TAF5: variants seen among roughly 807,000 people sequenced by gnomAD.
TAF5 encodes transcription initiation factor TFIID subunit 5.
Under a neutral mutation model 80.9 loss-of-function variants are expected in TAF5, and 20 were observed. That is an observed-to-expected ratio of 0.25 (90% confidence interval 0.17 to 0.36). The LOEUF (loss-of-function observed/expected upper bound fraction) is 0.36, where lower values mean the gene tolerates loss of function less well. Ranked by LOEUF, TAF5 falls within the 10% of genes least tolerant of loss-of-function variation. The pLI, the probability that TAF5 is intolerant of heterozygous loss-of-function variation, is 1.00. For missense variants in TAF5, 863 were observed against 1,029.4 expected (o/e 0.84, Z 2.21); for synonymous variants, 388 against 406.4 (o/e 0.95, Z 0.55).
Position 103,387,295 on chromosome 10 carries a change from T to G in TAF5, c.1950T>G (p.Thr650=). The G allele has an allele frequency of 6.2e-7, 1 of 1,614,186 alleles. No homozygotes were observed. Among genetic ancestry groups the G allele is most frequent in the South Asian group, 1.1e-5 (1 of 91,082 alleles). ...NYVATGSADR[T]VRLWDVLNGN... is the part of the protein sequence containing the mutation. ...TTGCTACGGGCTCTGCAGACAGAACTGTGCGGCTCTGGGACGTCCTGAATG... is the reference window on the plus strand; with the variant it reads ...TTGCTACGGGCTCTGCAGACAGAACGGTGCGGCTCTGGGACGTCCTGAATG... Residue 650 remains threonine (T), a synonymous_variant, in exon 9 of 11, where the codon ACT becomes ACG. Coordinates refer to ENST00000369839, the MANE Select transcript of TAF5 (RefSeq NM_006951.5).
At position 103,374,426 on chromosome 10, in the gene TAF5, AAGC is replaced by A. The variant is rs1357101984; in HGVS notation, c.797+834_797+836del. The stretch of plus-strand genomic sequence containing the variant: ...TGGCATAAGATGGTTTTCCTGCTCT[AAGC>A]AGTCACATCAGTGTGCCAGTCAGCA... On this transcript the variant is annotated intron_variant, in intron 2 of 10. Coordinates refer to ENST00000369839, the MANE Select transcript of TAF5 (RefSeq NM_006951.5). This position sits in a 1 kb window ranked among gnomAD's most constrained non-coding sequence, Gnocchi z 4.3. Among the ~76,000 whole-genome samples, 1 of 152,208 alleles carries A rather than the reference AAGC, an allele frequency of 6.6e-6. No individual in the cohort carries two copies. Among genetic ancestry groups the A allele is most frequent in the African/African-American group, 2.4e-5 (1 of 41,458 alleles).
intron 1 of TAF5, among the ~76,000 whole-genome samples, chr10:103,369,060 C>T (rs948565064): frequency 6.6e-6 from 1 of 150,494 alleles, no homozygotes. Flanking sequence ...CTCACTGCAA[C>T]CTCCGCCTCC....
intron 2 of TAF5, 32 bp downstream of exon 2, chr10:103,373,627 C>T: frequency 6.7e-7 from 1 of 1,496,930 alleles, no homozygotes; most frequent in South Asian, 1.2e-5. Flanking sequence ...TATATATACA[C>T]ACATACGTAG....
At chr10:103,380,364 G>A (rs990181747) in intron 5 of TAF5, among the ~76,000 whole-genome samples, 26 of 152,140 alleles carry the variant, frequency 1.7e-4, no homozygotes, top group Non-Finnish European at 2.5e-4. Context: ...TCCTGACCTT[G>A]TGATCCGCCT....
chr10:103,385,429 G>C lies in TAF5; in HGVS notation c.1768G>C (p.Asp590His). The part of the protein sequence containing the change: ...GYKGHNYPVW[D>H]TQFSPYGYYF... ...TAAAGGACACAACTATCCAGTATGG[G>C]ACACACAATTTTCTCCATATGGATA... The change falls in exon 8 of 11, where the codon GAC (aspartate) becomes CAC (histidine). Residue 590 changes from aspartate to histidine, a missense_variant. By Grantham distance (81) the Asp-to-His change is moderately conservative. This residue lies in a region of TAF5 where 368 missense variants were observed against 461.7 expected (regional missense o/e 0.80). Transcript: ENST00000369839. The C allele has an allele frequency of 6.2e-7, 1 of 1,613,982 alleles. No individual in the cohort carries two copies. Among genetic ancestry groups the C allele is most frequent in the Non-Finnish European group, 8.5e-7 (1 of 1,180,008 alleles).
In TAF5 at chr10:103,383,340, T is replaced by C. The variant is rs373652183; in HGVS notation, c.1637T>C (p.Val546Ala). The change falls in exon 7 of 11, where the codon GTC becomes GCC. Residue 546 changes from valine (V) to alanine (A), a missense_variant. This residue lies in a region of TAF5 where 368 missense variants were observed against 461.7 expected (regional missense o/e 0.80). Transcript: ENST00000369839. ...ATTTTGTATGGTCACAGTGGGCCTG[T>C]CTACGGAGCCAGCTTCAGTCCGGAT... ...LKILYGHSGPVYGASFSPDRN... is the reference protein window; with the variant it reads ...LKILYGHSGPAYGASFSPDRN... 8.6e-5 allele frequency: 137 copies of C among 1,600,762 alleles called. No individual in the cohort carries two copies. Among genetic ancestry groups the C allele is most frequent in the Non-Finnish European group, 1.1e-4 (126 of 1,176,502 alleles).
chr10:103,373,267 G>A (rs894181686), intron 1 of TAF5, 91 bp from the exon 2 acceptor site: 2 of 970,760 alleles, frequency 2.1e-6, no homozygotes, highest in East Asian at 2.4e-5. Flanking sequence ...AACAGTCTGA[G>A]AAACAACTCA....
rs1170494768 is a variant in TAF5, at chr10:103,368,460, C to T, written c.471C>T (p.Gly157=). Residue 157 remains glycine (G), a synonymous_variant, in exon 1 of 11, where the codon GGC becomes GGT. Transcript: ENST00000369839. ...LLSRVTASAP[G]PAAPDPPGTG... is the part of the protein sequence containing the mutation. ...GCCGGGTGACCGCCTCGGCCCCTGG[C>T]CCTGCGGCCCCCGACCCTCCGGGCA... 2.5e-6 allele frequency: 4 copies of T among 1,583,650 alleles called. No individual in the cohort carries two copies. The highest frequency in any genetic ancestry group is 2.3e-5 in the East Asian group (1 of 44,050).
At chr10:103,382,221 A>C (rs1564745836) in intron 6 of TAF5, among the ~76,000 whole-genome samples, 1 of 152,150 alleles carries the variant, frequency 6.6e-6, no homozygotes, top group Admixed American at 6.6e-5. Flanking sequence ...AAAGTTTTTT[A>C]CTTTTTGTTT....
chr10:103,387,389 G>A, intron 9 of TAF5, 37 bp downstream of exon 9: 1 of 1,567,852 alleles, frequency 6.4e-7, no homozygotes, highest in African/African-American at 1.4e-5. Context: ...ATCCAAGGTT[G>A]CTTTCAAAAT....
intron 10 of TAF5, 61 bp from the exon 11 acceptor site, chr10:103,387,945 C>T: frequency 4.7e-6 from 7 of 1,495,292 alleles, no homozygotes; most frequent in Non-Finnish European, 6.5e-6. Context: ...GTGTAGTGGA[C>T]AAAATGTCCG....
chr10:103,386,868 T>TGA (rs2093397565), intron 8 of TAF5, among the ~76,000 whole-genome samples: 1 of 152,086 alleles, frequency 6.6e-6, no homozygotes, highest in Non-Finnish European at 1.5e-5. Flanking sequence ...TTTCACCATG[T>TGA]TGGTCAGGCT....
At position 103,388,012 on chromosome 10, in the gene TAF5, T is replaced by C. The variant is rs1216364983; in HGVS notation, c.2192T>C (p.Met731Thr). ...RDGEILASGSMDNTVRLWDAI... is the reference protein window; with the variant it reads ...RDGEILASGSTDNTVRLWDAI... ...TCCTTTGACTTCCCCTTAGGTTCAATGGATAATACAGTTCGATTATGGGAT... is the reference window on the plus strand; with the variant it reads ...TCCTTTGACTTCCCCTTAGGTTCAACGGATAATACAGTTCGATTATGGGAT... The change falls in exon 11 of 11, where the codon ATG (methionine) becomes ACG (threonine). Residue 731 changes from methionine (M) to threonine (T), a missense_variant. By Grantham distance (81) the Met-to-Thr change is moderately conservative (BLOSUM62 -1). Transcript: ENST00000369839. The C allele has an allele frequency of 4.3e-6, 7 of 1,612,438 alleles. No homozygotes were observed. Among genetic ancestry groups the C allele is most frequent in the East Asian group, 4.5e-5 (2 of 44,860 alleles).
chr10:103,379,658 C>T lies in TAF5; in HGVS notation c.1164C>T (p.Asp388=), dbSNP rs34045284. ...KEPEIEVPLD[D]EDEEGENEEG... The stretch of plus-strand genomic sequence containing the variant: ...CAGAAATTGAGGTACCTTTGGATGA[C>T]GAGGATGAAGAGGGAGAAAATGAAG... Residue 388 remains aspartate, a synonymous_variant, in exon 4 of 11, where the codon GAC becomes GAT. Transcript: ENST00000369839. 152 of 1,604,090 alleles carry T rather than the reference C, an allele frequency of 9.5e-5. 2 individuals are homozygous for T. The African/African-American group carries it at 1.5e-3, about 15-fold the overall frequency.
chr10:103,388,043 C>G lies in TAF5; in HGVS notation c.2223C>G (p.Ile741Met). 1 of 1,614,084 alleles carries G rather than the reference C, an allele frequency of 6.2e-7. No homozygotes were observed. The highest frequency in any genetic ancestry group is 8.5e-7 in the Non-Finnish European group (1 of 1,179,974). The change falls in exon 11 of 11, where the codon ATC (isoleucine) becomes ATG (methionine). Residue 741 changes from isoleucine (I) to methionine (M), a missense_variant. Physicochemically the swap from Ile to Met is conservative, Grantham distance 10 (BLOSUM62 1). Coordinates refer to ENST00000369839, the MANE Select transcript of TAF5 (RefSeq NM_006951.5). Reference sequence around the variant, plus strand: ...ATACAGTTCGATTATGGGATGCTATCAAAGCCTTTGAAGATTTAGAGACCG... The same window carrying G: ...ATACAGTTCGATTATGGGATGCTATGAAAGCCTTTGAAGATTTAGAGACCG... The part of the protein sequence containing the change: ...MDNTVRLWDA[I>M]KAFEDLETDD...
At position 103,379,908 on chromosome 10, in the gene TAF5, T is replaced by TTAAGATA; in HGVS notation, c.1303_1304insAAGATAT (p.Ser435Ter). The TTAAGATA allele has an allele frequency of 6.2e-7, 1 of 1,612,980 alleles. No individual in the cohort carries two copies. The highest frequency in any genetic ancestry group is 8.5e-7 in the Non-Finnish European group (1 of 1,179,794). On this transcript the variant is annotated stop_gained and frameshift_variant, in exon 5 of 11. Coordinates refer to ENST00000369839, the MANE Select transcript of TAF5 (RefSeq NM_006951.5). LOFTEE classifies it high-confidence loss of function. The stretch of plus-strand genomic sequence containing the variant: ...GAATCCCTCTTCCTGAGTTGAAAGA[T>TTAAGATA]TCAGATAAGTTGGATAAGATAATGA...
chr10:103,371,817 G>A (rs2093360109), intron 1 of TAF5, among the ~76,000 whole-genome samples: 1 of 152,184 alleles, frequency 6.6e-6, no homozygotes, highest in Non-Finnish European at 1.5e-5. Flanking sequence ...CTTGGTCGTG[G>A]TGGGTGCCAT....
intron 8 of TAF5, 56 bp downstream of exon 8, chr10:103,385,546 G>T (rs572155654): frequency 8.3e-6 from 13 of 1,570,094 alleles, no homozygotes; most frequent in African/African-American, 5.5e-5. Context: ...ATGGTTTCTT[G>T]TTGGGAATTA....
At chr10:103,380,691 T>A (rs2093380774) in intron 5 of TAF5, among the ~76,000 whole-genome samples, 1 of 151,966 alleles carries the variant, frequency 6.6e-6, no homozygotes, top group Admixed American at 6.6e-5. Flanking sequence ...CTCAGCTCAC[T>A]GCAACCTCTG....
Sources: gnomAD v4.1 joint callset for allele counts (sites outside exome capture counted in the v4.1 genomes callset) on GRCh38, gnomAD v4.1.1 for gene constraint, gnomAD v4.1.1 regional missense constraint, Gnocchi (gnomAD v3.1) non-coding constraint, MANE v1.5 for transcripts, NCBI Gene and HGNC (gene_info 2026-07-23, HGNC 2026-07-21) for gene names.